IL1RAP: variants seen among roughly 807,000 people sequenced by gnomAD.
IL1RAP encodes interleukin-1 receptor accessory protein.
Under a neutral mutation model 60.7 loss-of-function variants are expected in IL1RAP, and 35 were observed. The ratio of observed to expected loss-of-function variants is 0.58; its 90% CI spans 0.44 to 0.76. The LOEUF is 0.76. Ranked by LOEUF, IL1RAP falls within the 30% of genes least tolerant of loss-of-function variation. The pLI, the probability that IL1RAP is intolerant of heterozygous loss-of-function variation, is 0.00. For missense variants in IL1RAP, 572 were observed against 693.9 expected (o/e 0.82, Z 1.97); for synonymous variants, 268 against 250.9 (o/e 1.07, Z -0.64).
chr3:190,656,071 C>T (rs745503666), downstream of IL1RAP: 1 of 1,537,096 alleles, frequency 6.5e-7, no homozygotes, highest in Non-Finnish European at 8.7e-7. Context: ...GCACCCGCAC[C>T]CAGGCATTCT....
chr3:190,520,877 G>A (rs891720874), intron 1 of IL1RAP, among the ~76,000 whole-genome samples: 8 of 152,136 alleles, frequency 5.3e-5, no homozygotes, highest in Middle Eastern at 3.2e-3. Context: ...TGTTCCTTTC[G>A]TTGATAGCAG....
intron 5 of IL1RAP, among the ~76,000 whole-genome samples, chr3:190,619,935 C>G (rs982937696): frequency 2.6e-5 from 4 of 152,050 alleles, no homozygotes; most frequent in Non-Finnish European, 5.9e-5. Flanking sequence ...GCAGGTCTTG[C>G]AGTTGCTCAA....
chr3:190,615,358 A>C, intron 5 of IL1RAP: 1 of 1,186,482 alleles, frequency 8.4e-7, no homozygotes, highest in South Asian at 1.3e-5. Flanking sequence ...GACACAGGTA[A>C]TGCAGTCCTT....
intron 5 of IL1RAP, among the ~76,000 whole-genome samples, chr3:190,618,509 AT>A (rs1731476180): frequency 6.6e-6 from 1 of 152,252 alleles, no homozygotes; most frequent in South Asian, 2.1e-4. Flanking sequence ...TCTCTGTCTC[AT>A]TTTTTCCGTC....
intron 7 of IL1RAP, chr3:190,624,962 G>T: frequency 5.7e-6 from 1 of 175,436 alleles, no homozygotes. Context: ...TGATGTTTCC[G>T]AGGGTGCTCC....
chr3:190,584,076 A>C (rs1443374580), intron 3 of IL1RAP, among the ~76,000 whole-genome samples: 1 of 152,160 alleles, frequency 6.6e-6, no homozygotes, highest in Non-Finnish European at 1.5e-5. Context: ...ACTAGCAACC[A>C]CTGATCGTTT....
chr3:190,555,843 C>G (rs910920228), intron 1 of IL1RAP: 1 of 152,118 alleles, frequency 6.6e-6, no homozygotes, highest in African/African-American at 2.4e-5. Flanking sequence ...CTCCTTCCAG[C>G]CTTGAAGTTC....
chr3:190,620,361 A>T lies in IL1RAP; in HGVS notation c.624A>T (p.Gly208=). ...SFLIALISNN[G]NYTCVVTYPE... ...TCATTGCCTTAATTTCAAATAATGG[A>T]AATTACACATGTGTTGTTACATATC... Residue 208 remains glycine, a synonymous_variant, in exon 6 of 12, where the codon GGA becomes GGT. Coordinates refer to ENST00000447382, the MANE Select transcript of IL1RAP (RefSeq NM_002182.4). 6.2e-7 allele frequency: 1 copy of T among 1,611,914 alleles called. No individual in the cohort carries two copies. The highest frequency in any genetic ancestry group is 8.5e-7 in the Non-Finnish European group (1 of 1,178,406).
rs946891246 is a variant in IL1RAP, at chr3:190,604,067, T to C, written c.65-61T>C. 4 of 1,519,394 alleles carry C rather than the reference T, an allele frequency of 2.6e-6. No homozygotes were observed. In the Admixed American group the frequency reaches 7.6e-5, roughly 29 times the overall value. The allele number at this position is 1,519,394 out of a possible 1,614,324, so 94.1% of individuals were successfully genotyped here. A position where few individuals can be genotyped will look rare whatever the true frequency, so the allele number is the denominator to read the frequency against. On this transcript the variant is annotated intron_variant, in intron 3 of 11. Transcript: ENST00000447382. ...GTGAACTGAGGAGAAGGTGTGTTCT[T>C]TTGAGGCCTTTGTTGTAAAATGACT...
At chr3:190,631,705 T>C (rs916287701) in intron 9 of IL1RAP, among the ~76,000 whole-genome samples, 6 of 152,202 alleles carry the variant, frequency 3.9e-5, no homozygotes, top group Non-Finnish European at 8.8e-5. Flanking sequence ...GACACTGGTG[T>C]AGGTCTTATT....
At chr3:190,622,107 T>C (rs956249162) in intron 6 of IL1RAP, among the ~76,000 whole-genome samples, 2 of 152,156 alleles carry the variant, frequency 1.3e-5, no homozygotes, top group African/African-American at 4.8e-5. Flanking sequence ...CTAGACACTT[T>C]CGGTAATGTT....
chr3:190,649,240 G>A lies in IL1RAP; in HGVS notation c.*535G>A. 1.0e-6 allele frequency: 1 copy of A among 985,796 alleles called. No homozygotes were observed. Among genetic ancestry groups the A allele is most frequent in the African/African-American group, 1.7e-5 (1 of 57,334 alleles). 61.1% of individuals were successfully genotyped at this position (985,796 alleles called of 1,614,324 possible). On this transcript the variant is annotated 3_prime_UTR_variant, in exon 12 of 12. Coordinates refer to ENST00000447382, the MANE Select transcript of IL1RAP (RefSeq NM_002182.4). ...CCACAGCAAGACTGACATCCACTTA[G>A]GATGATACAAAGCAGTGTAACTGAA... is the stretch of plus-strand genomic sequence containing the variant.
chr3:190,582,151 T>C (rs1207530761), intron 3 of IL1RAP, among the ~76,000 whole-genome samples: 23 of 152,206 alleles, frequency 1.5e-4, no homozygotes, highest in Admixed American at 1.5e-3. Flanking sequence ...GCTAGCATTC[T>C]GTAGTTTGAG....
intron 9 of IL1RAP, among the ~76,000 whole-genome samples, chr3:190,640,939 T>A (rs1269481003): frequency 6.6e-6 from 1 of 152,200 alleles, no homozygotes; most frequent in Non-Finnish European, 1.5e-5. Flanking sequence ...ACATCATGTC[T>A]TTCTGATAGG....
intron 3 of IL1RAP, among the ~76,000 whole-genome samples, chr3:190,602,937 G>T (rs1729983545): frequency 1.3e-5 from 2 of 152,064 alleles, no homozygotes; most frequent in African/African-American, 4.8e-5. Context: ...CTCTTCATCT[G>T]GTGACTTCTA....
intron 5 of IL1RAP, among the ~76,000 whole-genome samples, chr3:190,614,940 G>A (rs1411421110): frequency 6.6e-6 from 1 of 152,090 alleles, no homozygotes; most frequent in Non-Finnish European, 1.5e-5. Flanking sequence ...CTGAGAAATC[G>A]GAGGCATCTC....
chr3:190,631,575 A>G (rs949685152), intron 9 of IL1RAP, among the ~76,000 whole-genome samples: 5 of 152,158 alleles, frequency 3.3e-5, no homozygotes, highest in African/African-American at 1.2e-4. Context: ...TTCAGAGGTT[A>G]TATCTGAGTT....
chr3:190,628,216 G>A (rs550950378), intron 8 of IL1RAP, among the ~76,000 whole-genome samples: 169 of 152,276 alleles, frequency 1.1e-3, no homozygotes, highest in Non-Finnish European at 2.3e-3. Flanking sequence ...ACAGCAGTTG[G>A]CTCACTGCAC....
chr3:190,642,600 A>G (rs550853773), intron 9 of IL1RAP: 2 of 152,278 alleles, frequency 1.3e-5, no homozygotes, highest in East Asian at 3.9e-4. Context: ...GCCTTCCCTC[A>G]CCACCTTATG....
Sources: gnomAD v4.1 joint callset for allele counts (sites outside exome capture counted in the v4.1 genomes callset) on GRCh38, gnomAD v4.1.1 for gene constraint, MANE v1.5 for transcripts, NCBI Gene and HGNC (gene_info 2026-07-23, HGNC 2026-07-21) for gene names.